TRAF3IP1: variants seen among roughly 807,000 people sequenced by gnomAD.
The protein encoded by TRAF3IP1 is TRAF3-interacting protein 1.
Under a neutral mutation model 89.9 loss-of-function variants are expected in TRAF3IP1, and 53 were observed. That is an observed-to-expected ratio of 0.59 (90% confidence interval 0.47 to 0.74). The LOEUF is 0.74. TRAF3IP1 is among the 30% of genes least tolerant of loss of function. TRAF3IP1 has a pLI of 0.00. For missense variants in TRAF3IP1, 806 were observed against 866.1 expected, an observed-to-expected ratio of 0.93 and a Z score of 0.87; for synonymous variants, 311 against 322.1, an observed-to-expected ratio of 0.97 and a Z score of 0.37.
intron 12 of TRAF3IP1, 76 bp from the exon 13 acceptor site, chr2:238,352,751 C>A: frequency 6.9e-7 from 1 of 1,438,982 alleles, no homozygotes; most frequent in Non-Finnish European, 9.4e-7. Context: ...TCTCTGCCGA[C>A]CTCTGACACA....
At chr2:238,338,857 C>T (rs1698504455) in intron 8 of TRAF3IP1, among the ~76,000 whole-genome samples, 8 of 152,106 alleles carry the variant, frequency 5.3e-5, no homozygotes, top group Admixed American at 3.9e-4. Context: ...TAGTTAGGCA[C>T]GTTGGGGAAG....
intron 15 of TRAF3IP1, among the ~76,000 whole-genome samples, chr2:238,374,225 G>A (rs1035917106): frequency 6.6e-6 from 1 of 152,200 alleles, no homozygotes; most frequent in Non-Finnish European, 1.5e-5. Context: ...CAAAGGGAAT[G>A]CTTCCAGTTT....
chr2:238,376,333 C>A (rs1012491097), intron 15 of TRAF3IP1, among the ~76,000 whole-genome samples: 1 of 152,122 alleles, frequency 6.6e-6, no homozygotes, highest in East Asian at 1.9e-4. Flanking sequence ...GGTGGTGGGC[C>A]GGTCCACAGG....
intron 15 of TRAF3IP1, among the ~76,000 whole-genome samples, chr2:238,389,268 G>T (rs1175903642): frequency 2.0e-5 from 3 of 151,854 alleles, no homozygotes; most frequent in Non-Finnish European, 4.4e-5. Flanking sequence ...TAGATTTGGG[G>T]GTACATGGGC....
At chr2:238,340,263 T>C (rs183544717) in intron 8 of TRAF3IP1, among the ~76,000 whole-genome samples, 27 of 152,330 alleles carry the variant, frequency 1.8e-4, no homozygotes, top group Admixed American at 6.5e-4. Flanking sequence ...TTGCTGGCAG[T>C]TGTTACAGTT....
intron 15 of TRAF3IP1, among the ~76,000 whole-genome samples, chr2:238,378,986 G>A (rs961274950): frequency 7.9e-5 from 12 of 152,174 alleles, no homozygotes; most frequent in Middle Eastern, 3.2e-3. Context: ...TCCTTCTTTG[G>A]TGCCCTCTGT....
intron 1 of TRAF3IP1, among the ~76,000 whole-genome samples, chr2:238,323,944 A>G (rs539912192): frequency 2.0e-5 from 3 of 152,200 alleles, no homozygotes; most frequent in Non-Finnish European, 4.4e-5. Context: ...GATTAGGGAG[A>G]GAACCAAAGC....
At position 238,348,868 on chromosome 2, in the gene TRAF3IP1, C is replaced by CT; in HGVS notation, c.1367+23dup. 1 of 1,609,030 alleles carries CT rather than the reference C, an allele frequency of 6.2e-7. No individual in the cohort carries two copies. Among genetic ancestry groups the CT allele is most frequent in the South Asian group, 1.1e-5 (1 of 90,974 alleles). On this transcript the variant is annotated intron_variant, in intron 11 of 16. Transcript: ENST00000373327. The stretch of plus-strand genomic sequence containing the variant: ...CATCAGGTCTGTGTGCTTTGAATCC[C>CT]TTTCCCTCAGCAGAGTGATCACACC...
At position 238,345,029 on chromosome 2, in the gene TRAF3IP1, A is replaced by C. The variant is rs114401516; in HGVS notation, c.1261+431A>C. Among the ~76,000 whole-genome samples the C allele has an allele frequency of 1.3e-3, 198 of 152,308 alleles. No homozygotes were observed. Among genetic ancestry groups the C allele is most frequent in the African/African-American group, 4.6e-3 (193 of 41,552 alleles). ...CTCAGTGGGATTTTACTTTCACCAT[A>C]AATTTTCTCAGCCTTTAAAAAAACT... is the stretch of plus-strand genomic sequence containing the variant. On this transcript the variant is annotated intron_variant, in intron 9 of 16. Transcript: ENST00000373327. This position sits in a 1 kb window ranked among gnomAD's most constrained non-coding sequence, Gnocchi z 4.7.
At chr2:238,326,227 G>C (rs1697826732) in intron 3 of TRAF3IP1, among the ~76,000 whole-genome samples, 1 of 152,208 alleles carries the variant, frequency 6.6e-6, no homozygotes, top group South Asian at 2.1e-4. Context: ...CGGGAACCCT[G>C]CAGGCACACT....
At chr2:238,340,862 G>GAGAC (rs1274484981) in intron 8 of TRAF3IP1, among the ~76,000 whole-genome samples, 4 of 150,032 alleles carry the variant, frequency 2.7e-5, no homozygotes, top group African/African-American at 1.0e-4. Flanking sequence ...GAGAGAGACA[G>GAGAC]AGAGACAGAG....
intron 7 of TRAF3IP1, among the ~76,000 whole-genome samples, chr2:238,335,766 T>TTTATTTA (rs1553611250): frequency 7.3e-6 from 1 of 137,102 alleles, no homozygotes; most frequent in Non-Finnish European, 1.5e-5. Context: ...TTTTATTTTA[T>TTTATTTA]TTTATTTATT....
intron 8 of TRAF3IP1, among the ~76,000 whole-genome samples, chr2:238,341,623 G>C (rs1698663749): frequency 6.6e-6 from 1 of 151,392 alleles, no homozygotes. Flanking sequence ...GCCGAATGAT[G>C]GACCTCTTTC....
intron 1 of TRAF3IP1, among the ~76,000 whole-genome samples, chr2:238,323,489 C>T (rs1697663908): frequency 6.6e-6 from 1 of 152,178 alleles, no homozygotes; most frequent in Non-Finnish European, 1.5e-5. Flanking sequence ...TACCTGTCAT[C>T]TCAAGAAAAA....
intron 15 of TRAF3IP1, among the ~76,000 whole-genome samples, chr2:238,365,061 T>C (rs530962403): frequency 1.1e-4 from 16 of 152,370 alleles, no homozygotes; most frequent in Non-Finnish European, 1.9e-4. Context: ...AGTTATGTTT[T>C]AATTAAAGTC....
intron 15 of TRAF3IP1, among the ~76,000 whole-genome samples, chr2:238,369,467 TCAAA>T (rs1407391797): frequency 2.0e-5 from 3 of 152,344 alleles, no homozygotes; most frequent in South Asian, 2.1e-4. Context: ...TCTTTCAGTC[TCAAA>T]CAGTCTGTGC....
intron 14 of TRAF3IP1, among the ~76,000 whole-genome samples, chr2:238,354,286 A>G (rs1215078144): frequency 6.6e-6 from 1 of 152,124 alleles, no homozygotes; most frequent in East Asian, 1.9e-4. Flanking sequence ...CTGCCCCATA[A>G]CTGCCTCATT....
At chr2:238,352,581 C>T (rs1699221860) in intron 12 of TRAF3IP1, among the ~76,000 whole-genome samples, 1 of 151,618 alleles carries the variant, frequency 6.6e-6, no homozygotes, top group South Asian at 2.1e-4. Flanking sequence ...GCCTGGGCAG[C>T]ACAGGGACGT....
intron 2 of TRAF3IP1, 145 bp downstream of exon 2, chr2:238,325,519 C>T (rs1349580638): frequency 2.5e-6 from 2 of 796,520 alleles, no homozygotes; most frequent in Admixed American, 2.6e-5. Flanking sequence ...ATATATATAC[C>T]CTTTCTCATT....
Sources: gnomAD v4.1 joint callset for allele counts (sites outside exome capture counted in the v4.1 genomes callset) on GRCh38, gnomAD v4.1.1 for gene constraint, Gnocchi (gnomAD v3.1) non-coding constraint, MANE v1.5 for transcripts, NCBI Gene and HGNC (gene_info 2026-07-23, HGNC 2026-07-21) for gene names.